FHIT: variants seen among roughly 807,000 people sequenced by gnomAD.
FHIT encodes the protein bis(5'-adenosyl)-triphosphatase.
FHIT carries 19 observed loss-of-function variants against 17.9 expected under a neutral mutation model. That is an observed-to-expected ratio of 1.06 (90% CI 0.74 to 1.56). The LOEUF is 1.56. Among genes scored for constraint, FHIT ranks in the 40% most tolerant of loss-of-function variants. The probability of loss-of-function intolerance (pLI) is 0.00; values close to 1 mark genes in which losing one functional copy is unlikely to be tolerated. For missense variants in FHIT, 248 were observed against 189.2 expected (o/e 1.31, Z -1.82); for synonymous variants, 81 against 69.7 (o/e 1.16, Z -0.81).
rs1358812401 is a variant in FHIT at position 60,393,805 on chromosome 3, G to T, written c.103+143055C>A. On this transcript the variant is annotated intron_variant, in intron 5 of 9. Transcript: ENST00000492590. ...ATCCCCACATGGCAACGATTGCATG[G>T]TACTAAATAATAATGCCACCTATGC... is the stretch of plus-strand genomic sequence containing the variant. Among the ~76,000 whole-genome samples the T allele has an allele frequency of 4.6e-5, 7 of 152,072 alleles. No homozygotes were observed. The East Asian group carries it at 1.4e-3, about 29-fold the overall frequency.
At chr3:60,964,435 T>G (rs1709613056) in intron 3 of FHIT, among the ~76,000 whole-genome samples, 1 of 152,188 alleles carries the variant, frequency 6.6e-6, no homozygotes. Context: ...CATTTACATT[T>G]AAGGTTAATA....
chr3:61,043,342 G>A (rs946447144), intron 2 of FHIT, among the ~76,000 whole-genome samples: 8 of 152,192 alleles, frequency 5.3e-5, no homozygotes, highest in Admixed American at 1.3e-4. Flanking sequence ...CGCCTAGCTC[G>A]GAGGGTCCCA....
intron 4 of FHIT, among the ~76,000 whole-genome samples, chr3:60,554,122 A>G (rs1199954722): frequency 6.6e-6 from 1 of 152,142 alleles, no homozygotes; most frequent in Non-Finnish European, 1.5e-5. Flanking sequence ...TCAGGGAAAG[A>G]CAGAAACCTG....
chr3:61,153,214 G>C (rs184332436), intron 2 of FHIT, among the ~76,000 whole-genome samples: 1 of 151,396 alleles, frequency 6.6e-6, no homozygotes, highest in East Asian at 1.9e-4. Flanking sequence ...GAAAGGAAGA[G>C]GAAATTGAGA....
At chr3:60,945,336 C>G (rs1415119546) in intron 3 of FHIT, among the ~76,000 whole-genome samples, 1 of 152,064 alleles carries the variant, frequency 6.6e-6, no homozygotes. Flanking sequence ...TCTTGAAGAG[C>G]CTTGAGGTCA....
intron 3 of FHIT, among the ~76,000 whole-genome samples, chr3:60,848,368 G>C (rs961979084): frequency 6.6e-6 from 1 of 152,072 alleles, no homozygotes. Flanking sequence ...TAACTAAAAG[G>C]AGATTTTTAG....
At chr3:60,121,712 ACACACACAC>A (rs1705263483) in intron 5 of FHIT, among the ~76,000 whole-genome samples, 2 of 24,992 alleles carry the variant, frequency 8.0e-5, no homozygotes, top group South Asian at 1.9e-3. Context: ...CAAAACAAAC[ACACACACAC>A]ACACACACAC....
At chr3:60,009,181 G>A (rs1312578998) in intron 7 of FHIT, among the ~76,000 whole-genome samples, 6 of 112,484 alleles carry the variant, frequency 5.3e-5, no homozygotes, top group African/African-American at 2.3e-4. Context: ...GTGTGTGTGT[G>A]TGTGTGTGTG....
chr3:60,244,730 C>T (rs1705305473), intron 5 of FHIT, among the ~76,000 whole-genome samples: 1 of 152,222 alleles, frequency 6.6e-6, no homozygotes, highest in South Asian at 2.1e-4. Flanking sequence ...ACAGAGACTA[C>T]AAACATCTTG....
intron 2 of FHIT, among the ~76,000 whole-genome samples, chr3:61,102,348 G>T (rs1395388156): frequency 6.6e-6 from 1 of 152,112 alleles, no homozygotes; most frequent in East Asian, 1.9e-4. Context: ...TTTATGTGAT[G>T]GATTACGTTT....
intron 5 of FHIT, among the ~76,000 whole-genome samples, chr3:60,317,633 G>GTATA (rs1226684812): frequency 2.1e-5 from 3 of 141,866 alleles, no homozygotes; most frequent in African/African-American, 5.4e-5. Context: ...GTGTGTGTGT[G>GTATA]TGTATATATA....
chr3:60,291,820 A>G (rs1244138095), intron 5 of FHIT, among the ~76,000 whole-genome samples: 1 of 152,068 alleles, frequency 6.6e-6, no homozygotes, highest in Admixed American at 6.6e-5. Flanking sequence ...GATCACATGG[A>G]AAGAGAGGAA....
Position 60,873,301 on chromosome 3 carries a change from C to T in FHIT, c.-110-51290G>A, listed in dbSNP as rs186796411. ...GATTTGAAACTATTGAGTGCTTTTT[C>T]TGATAACCACCTATGGCTCTCTCCA... On this transcript the variant is annotated intron_variant, in intron 3 of 9. Transcript: ENST00000492590. Among the ~76,000 whole-genome samples, 157 of 152,264 alleles carry T rather than the reference C, an allele frequency of 1.0e-3. 1 individual carries two copies. Among genetic ancestry groups the T allele is most frequent in the African/African-American group, 3.7e-3 (154 of 41,566 alleles).
intron 4 of FHIT, among the ~76,000 whole-genome samples, chr3:60,644,033 A>G (rs2107795635): frequency 6.6e-6 from 1 of 152,310 alleles, no homozygotes; most frequent in East Asian, 1.9e-4. Flanking sequence ...AGTTTGAGAA[A>G]TCCCATGGCT....
At chr3:60,582,566 CTG>C (rs1315975822) in intron 4 of FHIT, among the ~76,000 whole-genome samples, 5 of 151,954 alleles carry the variant, frequency 3.3e-5, no homozygotes, top group Admixed American at 3.3e-4. Context: ...TTGACTAAGA[CTG>C]TGGCATTCAC....
At chr3:60,919,994 A>C (rs1490761027) in intron 3 of FHIT, among the ~76,000 whole-genome samples, 3 of 151,470 alleles carry the variant, frequency 2.0e-5, no homozygotes, top group African/African-American at 7.3e-5. Context: ...AGATTGCACC[A>C]CTGCACTCCA....
chr3:60,960,246 C>G lies in FHIT; in HGVS notation c.-111+81801G>C, dbSNP rs377177924. Among the ~76,000 whole-genome samples the G allele has an allele frequency of 5.3e-5, 8 of 152,186 alleles. No individual in the cohort carries two copies. In the East Asian group the frequency reaches 1.4e-3, roughly 26 times the overall value. On this transcript the variant is annotated intron_variant, in intron 3 of 9. Transcript: ENST00000492590. Reference sequence around the variant, plus strand: ...TCAGCAGGAACTAAGAGCCAAGAGTCGACTGAGAGATGACTTTCTTTCTCT... The same window carrying G: ...TCAGCAGGAACTAAGAGCCAAGAGTGGACTGAGAGATGACTTTCTTTCTCT...
chr3:60,406,668 A>AGGATGGTGGG (rs1276421900), intron 5 of FHIT, among the ~76,000 whole-genome samples: 1 of 99,554 alleles, frequency 1.0e-5, no homozygotes, highest in Non-Finnish European at 1.8e-5. Context: ...ATTCTAGAGA[A>AGGATGGTGGG]GGATGGTGGG....
chr3:60,069,473 A>T (rs1383226678), intron 5 of FHIT, among the ~76,000 whole-genome samples: 1 of 152,204 alleles, frequency 6.6e-6, no homozygotes, highest in East Asian at 1.9e-4. Context: ...CATACATTAC[A>T]TAAAACACTG....
Sources: allele counts gnomAD v4.1 joint callset (sites outside exome capture counted in the v4.1 genomes callset), GRCh38; gene constraint gnomAD v4.1.1; transcripts MANE v1.5; gene names NCBI Gene and HGNC (gene_info 2026-07-23, HGNC 2026-07-21).